FOXP1: variants seen among roughly 807,000 people sequenced by gnomAD.
FOXP1 encodes forkhead box P1.
FOXP1 carries 15 observed loss-of-function variants against 98.2 expected under a neutral mutation model. The ratio of observed to expected loss-of-function variants is 0.15; its 90% CI spans 0.10 to 0.24. The LOEUF (loss-of-function observed/expected upper bound fraction) is 0.24. Ranked by LOEUF, FOXP1 falls within the 10% of genes least tolerant of loss-of-function variation. The pLI, the probability that FOXP1 is intolerant of heterozygous loss-of-function variation, is 1.00. For synonymous variants in FOXP1, 371 were observed against 314.5 expected (o/e 1.18, Z -1.90); for missense variants, 633 against 848.5 (o/e 0.75, Z 3.15).
At position 71,410,326 on chromosome 3, in the gene FOXP1, T is replaced by G. The variant is rs1195328627; in HGVS notation, c.-167-51082A>C. Among the ~76,000 whole-genome samples the G allele has an allele frequency of 1.1e-4, 16 of 152,130 alleles. No homozygotes were observed. The East Asian group carries it at 1.9e-3, about 18-fold the overall frequency. On this transcript the variant is annotated intron_variant, in intron 3 of 20. Coordinates refer to ENST00000649528, the MANE Select transcript of FOXP1 (RefSeq NM_001349338.3). ...TTTTTACTGAATCAACTGCCCACAATTTTTTTTAAGTTAAAAAGTCTGTTT... is the reference window on the plus strand; with the variant it reads ...TTTTTACTGAATCAACTGCCCACAAGTTTTTTTAAGTTAAAAAGTCTGTTT...
chr3:71,477,977 A>G (rs2089985705), intron 3 of FOXP1, among the ~76,000 whole-genome samples: 1 of 152,238 alleles, frequency 6.6e-6, no homozygotes, highest in South Asian at 2.1e-4. Context: ...TGGATTCATT[A>G]TAACAGAAAC....
chr3:71,142,791 A>C (rs1313999619), intron 6 of FOXP1, among the ~76,000 whole-genome samples: 1 of 152,218 alleles, frequency 6.6e-6, no homozygotes, highest in Non-Finnish European at 1.5e-5. Flanking sequence ...TGACCTACAG[A>C]ACTATGAGCT....
intron 4 of FOXP1, among the ~76,000 whole-genome samples, chr3:71,314,530 A>AT (rs1553839965): frequency 8.8e-4 from 126 of 143,390 alleles, no homozygotes; most frequent in African/African-American, 2.3e-3. Context: ...CCGTCTAAAA[A>AT]ATATATATAT....
chr3:70,964,635 C>T (rs1264803163), intron 20 of FOXP1, among the ~76,000 whole-genome samples: 2 of 152,168 alleles, frequency 1.3e-5, no homozygotes, highest in East Asian at 1.9e-4. Flanking sequence ...ATCGGAAACA[C>T]TAAGTTGCTT....
chr3:71,310,129 G>A (rs1329017391), intron 4 of FOXP1, among the ~76,000 whole-genome samples: 1 of 152,176 alleles, frequency 6.6e-6, no homozygotes, highest in Non-Finnish European at 1.5e-5. Flanking sequence ...AAACATGCTG[G>A]ACAATGGATG....
chr3:71,045,826 C>A (rs1024239164), intron 10 of FOXP1, among the ~76,000 whole-genome samples: 2 of 152,156 alleles, frequency 1.3e-5, no homozygotes, highest in Admixed American at 1.3e-4. Context: ...AAACAAATGG[C>A]CATGCTTTAA....
chr3:71,363,519 T>C (rs57796054), intron 3 of FOXP1, among the ~76,000 whole-genome samples: 2 of 152,188 alleles, frequency 1.3e-5, no homozygotes, highest in Non-Finnish European at 2.9e-5. Flanking sequence ...GCTAATTTTT[T>C]AAATATATTT....
chr3:71,452,599 G>A (rs111623744), intron 3 of FOXP1, among the ~76,000 whole-genome samples: 1,742 of 152,254 alleles, frequency 0.011, 33 homozygotes, highest in African/African-American at 0.039. Context: ...TGAGAGGGTT[G>A]AACTTGGAGG....
At chr3:71,438,954 C>T (rs1424992805) in intron 3 of FOXP1, among the ~76,000 whole-genome samples, 1 of 144,548 alleles carries the variant, frequency 6.9e-6, no homozygotes, top group East Asian at 2.3e-4. Context: ...AGGAGCTCTT[C>T]GGAGGCAAGG....
intron 6 of FOXP1, among the ~76,000 whole-genome samples, chr3:71,181,403 G>C (rs4677031): frequency 3.3e-5 from 5 of 152,046 alleles, no homozygotes; most frequent in African/African-American, 1.2e-4. Flanking sequence ...TCATCACATC[G>C]ACCCTCTCAG....
intron 2 of FOXP1, among the ~76,000 whole-genome samples, chr3:71,532,097 G>GA (rs2043900296): frequency 6.6e-6 from 1 of 151,836 alleles, no homozygotes; most frequent in East Asian, 1.9e-4. Flanking sequence ...GCACAGCAAA[G>GA]AAAAAAAATT....
intron 4 of FOXP1, among the ~76,000 whole-genome samples, chr3:71,321,907 A>T (rs558482345): frequency 2.3e-4 from 35 of 152,354 alleles, no homozygotes; most frequent in Middle Eastern, 3.4e-3. Context: ...GGCGTGAGCC[A>T]CTGTGCCCAG....
chr3:71,424,927 C>T (rs1456043471), intron 3 of FOXP1, among the ~76,000 whole-genome samples: 2 of 152,162 alleles, frequency 1.3e-5, no homozygotes, highest in Non-Finnish European at 2.9e-5. Context: ...TGATCAAGAA[C>T]AGGGAAAGCT....
intron 5 of FOXP1, among the ~76,000 whole-genome samples, chr3:71,238,348 T>A (rs2066967051): frequency 6.6e-6 from 1 of 152,172 alleles, no homozygotes; most frequent in Non-Finnish European, 1.5e-5. Context: ...AAACAGAGTA[T>A]GTAAAGTGCC....
intron 13 of FOXP1, 80 bp from the exon 14 acceptor site, chr3:70,988,157 A>G: frequency 8.3e-7 from 1 of 1,209,438 alleles, no homozygotes. Flanking sequence ...CATATTACAA[A>G]TTACGCTATG....
intron 7 of FOXP1, among the ~76,000 whole-genome samples, chr3:71,059,096 CAACT>C (rs764302814): frequency 2.0e-4 from 31 of 152,104 alleles, no homozygotes; most frequent in Admixed American, 7.9e-4. Context: ...ACAATACAAC[CAACT>C]ATTAAAAATT....
intron 12 of FOXP1, among the ~76,000 whole-genome samples, chr3:71,015,083 C>G (rs551752805): frequency 3.9e-4 from 59 of 151,510 alleles, no homozygotes; most frequent in Admixed American, 6.6e-4. Flanking sequence ...CACATGTATA[C>G]ATATGTAACA....
intron 2 of FOXP1, among the ~76,000 whole-genome samples, chr3:71,522,962 C>T (rs936555776): frequency 6.6e-6 from 1 of 152,090 alleles, no homozygotes; most frequent in Non-Finnish European, 1.5e-5. Flanking sequence ...ATGAACTGAG[C>T]GAAAAGAGAA....
At chr3:70,976,399 T>G (rs2037535882) in intron 17 of FOXP1, among the ~76,000 whole-genome samples, 1 of 152,152 alleles carries the variant, frequency 6.6e-6, no homozygotes, top group Non-Finnish European at 1.5e-5. Flanking sequence ...CAAAAACCCC[T>G]GCCCCTTAAT....
Sources: gnomAD v4.1 joint callset for allele counts (sites outside exome capture counted in the v4.1 genomes callset) on GRCh38, gnomAD v4.1.1 for gene constraint, MANE v1.5 for transcripts, NCBI Gene and HGNC (gene_info 2026-07-23, HGNC 2026-07-21) for gene names.